BORCS5: variants seen among roughly 807,000 people sequenced by gnomAD.
The protein encoded by BORCS5 is BLOC-1 related complex subunit 5.
In BORCS5, 17 loss-of-function variants were observed where a neutral mutation model predicts 22.1. The observed-to-expected ratio is 0.77, with a 90% CI of 0.53 to 1.15. BORCS5 has a LOEUF of 1.15. Ranked by LOEUF, BORCS5 falls within the 50% of genes most tolerant of loss-of-function variation. BORCS5 has a pLI of 0.00. For missense variants in BORCS5, 247 were observed against 253.2 expected, an observed-to-expected ratio of 0.98 and a Z score of 0.17; for synonymous variants, 117 against 99.8, an observed-to-expected ratio of 1.17 and a Z score of -1.03.
intron 3 of BORCS5, among the ~76,000 whole-genome samples, chr12:12,445,142 C>T (rs1484239661): frequency 6.6e-6 from 1 of 152,120 alleles, no homozygotes; most frequent in African/African-American, 2.4e-5. Context: ...CTCCTGGGCT[C>T]AAGTGATCCT....
chr12:12,431,595 T>C, intron 2 of BORCS5, among the ~76,000 whole-genome samples: 1 of 151,812 alleles, frequency 6.6e-6, no homozygotes, highest in Non-Finnish European at 1.5e-5. Flanking sequence ...AGAGACGGGG[T>C]TTCACCATGT....
rs540904842 is a variant in BORCS5, at chr12:12,452,235, G to T, written c.361-13311G>T. 14 of 736,950 alleles carry T rather than the reference G, an allele frequency of 1.9e-5. No homozygotes were observed. In the East Asian group the frequency reaches 4.1e-4, roughly 22 times the overall value. 45.7% of individuals were successfully genotyped at this position (736,950 alleles called of 1,614,324 possible). On this transcript the variant is annotated intron_variant, in intron 3 of 3. Transcript: ENST00000314565. The stretch of plus-strand genomic sequence containing the variant: ...ACAGGCTGAAGCTCCCCCTCAGCCA[G>T]CCTCAGATTTTTCCAGCTTATTTTG...
intron 2 of BORCS5, among the ~76,000 whole-genome samples, chr12:12,391,080 A>G (rs1044635023): frequency 1.4e-5 from 2 of 144,558 alleles, no homozygotes; most frequent in African/African-American, 5.7e-5. Context: ...CTTTTAAAGT[A>G]TTGATAGACT....
chr12:12,374,070 C>T (rs1036076077), intron 2 of BORCS5, among the ~76,000 whole-genome samples: 6 of 147,954 alleles, frequency 4.1e-5, no homozygotes, highest in African/African-American at 1.5e-4. Flanking sequence ...TCACTGCAAG[C>T]TCTGCCTCCC....
At chr12:12,375,024 TTTTTC>T (rs918684713) in intron 2 of BORCS5, among the ~76,000 whole-genome samples, 2 of 152,136 alleles carry the variant, frequency 1.3e-5, no homozygotes, top group African/African-American at 4.8e-5. Flanking sequence ...TTTCTTTTTC[TTTTTC>T]TTTTGAGCTG....
intron 2 of BORCS5, among the ~76,000 whole-genome samples, chr12:12,407,550 A>G (rs1305256690): frequency 6.6e-6 from 1 of 152,164 alleles, no homozygotes; most frequent in Non-Finnish European, 1.5e-5. Context: ...CATTAAGTAT[A>G]TTCACATTGT....
chr12:12,373,228 C>G (rs1453788060), intron 2 of BORCS5, among the ~76,000 whole-genome samples: 1 of 152,224 alleles, frequency 6.6e-6, no homozygotes, highest in Non-Finnish European at 1.5e-5. Context: ...AGTGCCCTCA[C>G]CAAATATCCA....
At chr12:12,456,445 C>G (rs1942999672) in intron 3 of BORCS5, among the ~76,000 whole-genome samples, 1 of 152,164 alleles carries the variant, frequency 6.6e-6, no homozygotes, top group Non-Finnish European at 1.5e-5. Flanking sequence ...TAACAAACCA[C>G]AGTGACATCT....
chr12:12,396,568 C>T (rs558924114), intron 2 of BORCS5, among the ~76,000 whole-genome samples: 18 of 151,974 alleles, frequency 1.2e-4, no homozygotes, highest in Admixed American at 5.9e-4. Flanking sequence ...CAAATGTCAC[C>T]GTACTGATGT....
At chr12:12,463,582 G>T (rs934238565) in intron 3 of BORCS5, among the ~76,000 whole-genome samples, 7 of 152,264 alleles carry the variant, frequency 4.6e-5, no homozygotes, top group African/African-American at 1.7e-4. Flanking sequence ...TTCCTCTTGC[G>T]GTTTTTTTCT....
chr12:12,357,588 G>C (rs977246832), intron 1 of BORCS5, 79 bp downstream of exon 1: 4 of 1,476,724 alleles, frequency 2.7e-6, no homozygotes, highest in Non-Finnish European at 3.7e-6. Flanking sequence ...ACTAGGGTCA[G>C]GGACTGCGGA....
At chr12:12,420,873 T>C (rs1460526197) in intron 2 of BORCS5, among the ~76,000 whole-genome samples, 1 of 152,202 alleles carries the variant, frequency 6.6e-6, no homozygotes, top group Non-Finnish European at 1.5e-5. Flanking sequence ...TGTATAGGAA[T>C]GATTGTGATT....
chr12:12,359,948 G>GAT lies in BORCS5; in HGVS notation c.59-1245_59-1244dup, dbSNP rs769870182. On this transcript the variant is annotated intron_variant, in intron 1 of 3. Transcript: ENST00000314565. The stretch of plus-strand genomic sequence containing the variant: ...TTATTTCTCATTTTAGAAATAGGGA[G>GAT]ATATATATATATATCTCAAGATAGC... Among the ~76,000 whole-genome samples the GAT allele has an allele frequency of 1.6e-3, 241 of 151,356 alleles. No homozygotes were observed. The Middle Eastern group carries it at 0.021, about 13-fold the overall frequency.
At chr12:12,459,693 A>G (rs1943068017) in intron 3 of BORCS5, among the ~76,000 whole-genome samples, 2 of 152,144 alleles carry the variant, frequency 1.3e-5, no homozygotes, top group Admixed American at 6.5e-5. Flanking sequence ...GATCCATTCC[A>G]TATTAATTTC....
intron 3 of BORCS5, among the ~76,000 whole-genome samples, chr12:12,460,746 A>G (rs1718639907): frequency 6.6e-6 from 1 of 152,170 alleles, no homozygotes; most frequent in Non-Finnish European, 1.5e-5. Flanking sequence ...ACAATCATAG[A>G]TTTCTAACCT....
intron 3 of BORCS5, chr12:12,452,314 C>T: frequency 1.4e-6 from 1 of 702,852 alleles, no homozygotes; most frequent in Non-Finnish European, 2.5e-6. Context: ...ACCATTCCCC[C>T]ATCATCATTT....
In BORCS5 at chr12:12,357,216, G is replaced by A; in HGVS notation, c.-236G>A. ...CTCCCGGAAAGAAGGAGGGCTAGCC[G>A]CGTGCGTTCGCGCCGCGCCTCCTTG... On this transcript the variant is annotated 5_prime_UTR_variant, in exon 1 of 4. Transcript: ENST00000314565. 1 of 1,483,208 alleles carries A rather than the reference G, an allele frequency of 6.7e-7. No homozygotes were observed. Among genetic ancestry groups the A allele is most frequent in the Non-Finnish European group, 8.9e-7 (1 of 1,120,316 alleles). 91.9% of individuals were successfully genotyped at this position (1,483,208 alleles called of 1,614,324 possible). A position where few individuals can be genotyped will look rare whatever the true frequency, so the allele number is the denominator to read the frequency against.
intron 2 of BORCS5, among the ~76,000 whole-genome samples, chr12:12,416,574 C>T (rs954024423): frequency 2.0e-5 from 3 of 151,818 alleles, no homozygotes; most frequent in Non-Finnish European, 2.9e-5. Context: ...CTCCCAGTAA[C>T]TGAGACTACA....
At chr12:12,369,793 C>T (rs1863485510) in intron 2 of BORCS5, among the ~76,000 whole-genome samples, 1 of 131,766 alleles carries the variant, frequency 7.6e-6, no homozygotes, top group Non-Finnish European at 1.5e-5. Flanking sequence ...GGCACAATCT[C>T]AGCTCACTAC....
Sources: allele counts gnomAD v4.1 joint callset (sites outside exome capture counted in the v4.1 genomes callset), GRCh38; gene constraint gnomAD v4.1.1; transcripts MANE v1.5; gene names NCBI Gene and HGNC (gene_info 2026-07-23, HGNC 2026-07-21).